TSNAXIP1: variants seen among roughly 807,000 people sequenced by gnomAD.
TSNAXIP1 encodes the protein translin-associated factor X-interacting protein 1.
TSNAXIP1 carries 89 observed loss-of-function variants against 84.8 expected under a neutral mutation model. That is an observed-to-expected ratio of 1.05 (90% confidence interval 0.88 to 1.25). The LOEUF is 1.25. TSNAXIP1 is among the 50% of genes most tolerant of loss of function. The pLI, the probability that TSNAXIP1 is intolerant of heterozygous loss-of-function variation, is 0.00. For missense variants in TSNAXIP1, 874 were observed against 887.6 expected, an observed-to-expected ratio of 0.98 and a Z score of 0.20; for synonymous variants, 347 against 335.2, an observed-to-expected ratio of 1.04 and a Z score of -0.39.
At chr16:67,826,644 G>A in intron 11 of TSNAXIP1, 48 bp from the exon 12 acceptor site, 1 of 1,611,222 alleles carries the variant, frequency 6.2e-7, no homozygotes, top group Non-Finnish European at 8.5e-7. Context: ...CAGGGATGAG[G>A]GCCAACCAAC....
In TSNAXIP1 at chr16:67,826,424, T is replaced by C. The variant is rs747359241; in HGVS notation, c.1276-13T>C. 1.2e-6 allele frequency: 2 copies of C among 1,613,080 alleles called. No individual in the cohort carries two copies. Among genetic ancestry groups the C allele is most frequent in the Non-Finnish European group, 1.7e-6 (2 of 1,179,940 alleles). ...AGATGGGTCCAGAGATGAGCTGATA[T>C]CCTCCCTCCTAGGGCTATGGGGAAG... On this transcript the variant is annotated splice_polypyrimidine_tract_variant and intron_variant, in intron 10 of 15. Transcript: ENST00000561639.
intron 1 of TSNAXIP1, among the ~76,000 whole-genome samples, chr16:67,813,059 T>G (rs1445223294): frequency 2.6e-5 from 4 of 151,894 alleles, no homozygotes; most frequent in Non-Finnish European, 5.9e-5. Flanking sequence ...TAGCTGGAAT[T>G]AGAGGCACCC....
intron 5 of TSNAXIP1, among the ~76,000 whole-genome samples, chr16:67,824,018 C>CAAAAAAA (rs10674785): frequency 1.1e-5 from 1 of 89,110 alleles, no homozygotes; most frequent in Non-Finnish European, 2.1e-5. Context: ...GACTCCATCG[C>CAAAAAAA]AAAAAAAAAA....
chr16:67,826,432 C>T lies in TSNAXIP1; in HGVS notation c.1276-5C>T, dbSNP rs1481121086. 2 of 1,613,290 alleles carry T rather than the reference C, an allele frequency of 1.2e-6. No homozygotes were observed. Among genetic ancestry groups the T allele is most frequent in the Non-Finnish European group, 1.7e-6 (2 of 1,179,998 alleles). On this transcript the variant is annotated splice_region_variant and splice_polypyrimidine_tract_variant and intron_variant, in intron 10 of 15. Coordinates refer to ENST00000561639, the MANE Select transcript of TSNAXIP1 (RefSeq NM_001288990.3). Reference sequence around the variant, plus strand: ...CCAGAGATGAGCTGATATCCTCCCTCCTAGGGCTATGGGGAAGCCATCCCT... The same window carrying T: ...CCAGAGATGAGCTGATATCCTCCCTTCTAGGGCTATGGGGAAGCCATCCCT...
At chr16:67,815,646 G>C (rs1357391233) in intron 2 of TSNAXIP1, among the ~76,000 whole-genome samples, 98 of 151,434 alleles carry the variant, frequency 6.5e-4, no homozygotes, top group African/African-American at 2.3e-3. Flanking sequence ...CTACAGGAGT[G>C]CGCCACCACA....
intron 1 of TSNAXIP1, among the ~76,000 whole-genome samples, chr16:67,812,495 A>C (rs559343258): frequency 1.3e-5 from 2 of 150,218 alleles, no homozygotes; most frequent in East Asian, 2.0e-4. Flanking sequence ...GTGAAACTCT[A>C]TCTCTACTAA....
intron 14 of TSNAXIP1, 28 bp downstream of exon 14, chr16:67,827,403 C>G: frequency 1.2e-6 from 2 of 1,614,080 alleles, no homozygotes; most frequent in Non-Finnish European, 1.7e-6. Flanking sequence ...GGGGACTGGC[C>G]TGGCCCCTGC....
rs1256290964 is a variant in TSNAXIP1 at position 67,827,563 on chromosome 16, G to A, written c.1882G>A (p.Glu628Lys). 1.2e-6 allele frequency: 2 copies of A among 1,614,180 alleles called. No homozygotes were observed. Among genetic ancestry groups the A allele is most frequent in the Non-Finnish European group, 1.7e-6 (2 of 1,180,030 alleles). The part of the protein sequence containing the change: ...KDEYLQQLKQ[E>K]LGIELHEEVT... Reference sequence around the variant, plus strand: ...CGAGTACTTACAGCAGCTAAAGCAGGAGCTTGGCATAGAACTGTGAGTGAC... The same window carrying A: ...CGAGTACTTACAGCAGCTAAAGCAGAAGCTTGGCATAGAACTGTGAGTGAC... Residue 628 changes from glutamate to lysine, a missense_variant, in exon 15 of 16, where the codon GAG (glutamate) becomes AAG (lysine). Physicochemically the swap from Glu to Lys is moderately conservative, Grantham distance 56. Transcript: ENST00000561639.
At chr16:67,826,119 G>A in intron 9 of TSNAXIP1, 33 bp from the exon 10 acceptor site, 2 of 1,613,150 alleles carry the variant, frequency 1.2e-6, no homozygotes, top group South Asian at 2.2e-5. Flanking sequence ...TTACATGTGG[G>A]CCCAGACTCC....
chr16:67,821,025 G>A (rs2057006735), intron 3 of TSNAXIP1, 74 bp downstream of exon 3: 21 of 1,600,978 alleles, frequency 1.3e-5, no homozygotes, highest in South Asian at 4.5e-5. Context: ...GGGCAGGGGC[G>A]TGTGTTGCCC....
In TSNAXIP1 at chr16:67,825,765, A is replaced by C. The variant is rs2057389448; in HGVS notation, c.913A>C (p.Asn305His). 1.2e-6 allele frequency: 2 copies of C among 1,614,152 alleles called. No individual in the cohort carries two copies. The highest frequency in any genetic ancestry group is 3.3e-5 in the Admixed American group (2 of 60,010). ...GATGGAACTCAACAACATGAAGGCC[A>C]ACTTTGGAGATGTGGTCCCCAGGAG... Reference protein sequence around the residue: ...TQMELNNMKANFGDVVPRRDF... With the variant: ...TQMELNNMKAHFGDVVPRRDF... The change falls in exon 8 of 16, where the codon AAC becomes CAC. Residue 305 changes from asparagine to histidine, a missense_variant. Transcript: ENST00000561639.
At chr16:67,811,123 C>G (rs1284788001) in intron 1 of TSNAXIP1, among the ~76,000 whole-genome samples, 1 of 152,090 alleles carries the variant, frequency 6.6e-6, no homozygotes, top group Non-Finnish European at 1.5e-5. Context: ...CGCGCCCGGC[C>G]GATCTCCTGA....
chr16:67,823,744 G>A (rs767234237), intron 5 of TSNAXIP1, 25 bp downstream of exon 5: 49 of 1,594,048 alleles, frequency 3.1e-5, no homozygotes, highest in African/African-American at 6.7e-5. Flanking sequence ...CCTGCCAGGC[G>A]TAGTGGCTCA....
At chr16:67,811,154 G>A (rs377725631) in intron 1 of TSNAXIP1, among the ~76,000 whole-genome samples, 17 of 151,912 alleles carry the variant, frequency 1.1e-4, no homozygotes, top group South Asian at 6.2e-4. Context: ...TGCTCACCTC[G>A]GCCTCCCAAA....
At chr16:67,809,527 G>T (rs1470418932) in intron 1 of TSNAXIP1, among the ~76,000 whole-genome samples, 1 of 151,830 alleles carries the variant, frequency 6.6e-6, no homozygotes, top group Non-Finnish European at 1.5e-5. Flanking sequence ...GGAGGCTGAG[G>T]CACAAGAATT....
Position 67,826,827 on chromosome 16 carries a change from G to A in TSNAXIP1, c.1537G>A (p.Ala513Thr). 1 of 1,613,648 alleles carries A rather than the reference G, an allele frequency of 6.2e-7. No individual in the cohort carries two copies. Among genetic ancestry groups the A allele is most frequent in the Non-Finnish European group, 8.5e-7 (1 of 1,180,016 alleles). Reference sequence around the variant, plus strand: ...CAACGAGGTTATGAGTCAGTTCTATGCAGTCTTGATGGGAAAGGTGAGCTG... The same window carrying A: ...CAACGAGGTTATGAGTCAGTTCTATACAGTCTTGATGGGAAAGGTGAGCTG... ...HSNEVMSQFY[A>T]VLMGKRSENV... Residue 513 changes from alanine (A) to threonine (T), a missense_variant, in exon 12 of 16, where the codon GCA (alanine) becomes ACA (threonine). By Grantham distance (58) the Ala-to-Thr change is moderately conservative. Coordinates refer to ENST00000561639, the MANE Select transcript of TSNAXIP1 (RefSeq NM_001288990.3).
Position 67,825,982 on chromosome 16 carries a change from C to T in TSNAXIP1, c.1050C>T (p.His350=), listed in dbSNP as rs892265904. 4.3e-6 allele frequency: 7 copies of T among 1,613,994 alleles called. No individual in the cohort carries two copies. In the Admixed American group the frequency reaches 1.0e-4, roughly 23 times the overall value. Reference sequence around the variant, plus strand: ...AGCATGAGATCCTCATGCAGCTGCACATGAGCACGCTGAAGGAACGGGACC... The same window carrying T: ...AGCATGAGATCCTCATGCAGCTGCATATGAGCACGCTGAAGGAACGGGACC... ...RKEHEILMQL[H]MSTLKERDQF... Residue 350 remains histidine (H), a synonymous_variant, in exon 9 of 16, where the codon CAC becomes CAT. Transcript: ENST00000561639.
intron 4 of TSNAXIP1, among the ~76,000 whole-genome samples, chr16:67,823,389 A>G (rs1377937260): frequency 6.6e-6 from 1 of 152,012 alleles, no homozygotes; most frequent in Non-Finnish European, 1.5e-5. Context: ...CTAAAAATAC[A>G]AAAATTAGCC....
chr16:67,825,414 G>A (rs544488227), intron 7 of TSNAXIP1, 142 bp downstream of exon 7: 860 of 1,255,272 alleles, frequency 6.9e-4, no homozygotes, highest in Non-Finnish European at 8.8e-4. Context: ...CCTGCCTCCC[G>A]CAGGGCTGTG....
Sources: allele counts gnomAD v4.1 joint callset (sites outside exome capture counted in the v4.1 genomes callset), GRCh38; gene constraint gnomAD v4.1.1; transcripts MANE v1.5; gene names NCBI Gene and HGNC (gene_info 2026-07-23, HGNC 2026-07-21).